Variants in ENTPD1 observed in about 807,000 individuals in gnomAD.
The protein encoded by ENTPD1 is ectonucleoside triphosphate diphosphohydrolase 1, also known as ATP diphosphohydrolase.
Under a neutral mutation model 57.0 loss-of-function variants are expected in ENTPD1, and 33 were observed. That is an observed-to-expected ratio of 0.58 (90% CI 0.44 to 0.77). The LOEUF (loss-of-function observed/expected upper bound fraction) is 0.77. Among genes scored for constraint, ENTPD1 ranks in the 30% least tolerant of loss-of-function variants. ENTPD1 has a pLI of 0.00. For synonymous variants in ENTPD1, 202 were observed against 218.8 expected, an observed-to-expected ratio of 0.92 and a Z score of 0.68; for missense variants, 501 against 603.4, an observed-to-expected ratio of 0.83 and a Z score of 1.78.
At chr10:95,714,719 T>G (rs920180167) in intron 1 of ENTPD1, among the ~76,000 whole-genome samples, 2 of 152,222 alleles carry the variant, frequency 1.3e-5, no homozygotes, top group Admixed American at 1.3e-4. Context: ...ATTACTTTAC[T>G]TCATGGAAGG....
chr10:95,710,974 A>C (rs1433244335), upstream of ENTPD1, among the ~76,000 whole-genome samples: 1 of 152,112 alleles, frequency 6.6e-6, no homozygotes, highest in Non-Finnish European at 1.5e-5. Flanking sequence ...GGTAGCCACA[A>C]ATGAAGGCCT....
intron 1 of ENTPD1, among the ~76,000 whole-genome samples, chr10:95,796,213 G>C (rs2098225240): frequency 6.6e-6 from 1 of 152,154 alleles, no homozygotes; most frequent in African/African-American, 2.4e-5. Context: ...GCTCTGGAGA[G>C]GCACTCCTTG....
At position 95,807,178 on chromosome 10, in the gene ENTPD1, C is replaced by G. The variant is rs531621831; in HGVS notation, c.17-16059C>G. On this transcript the variant is annotated intron_variant, in intron 1 of 9. Coordinates refer to ENST00000371205, the MANE Select transcript of ENTPD1 (RefSeq NM_001776.6). ...GGTGGGCTCTGCCCAGTTCGCACTT[C>G]CAGGCCACTTTGTTTACCTACTCAA... Among the ~76,000 whole-genome samples the G allele has an allele frequency of 3.0e-4, 45 of 152,336 alleles. No homozygotes were observed. The South Asian group carries it at 8.7e-3, about 29-fold the overall frequency.
At chr10:95,848,431 GGA>G (rs1238032398) in intron 7 of ENTPD1, among the ~76,000 whole-genome samples, 1 of 152,042 alleles carries the variant, frequency 6.6e-6, no homozygotes, top group African/African-American at 2.4e-5. Flanking sequence ...ACATGGATGT[GGA>G]AGTTTGATTA....
At chr10:95,777,102 C>T (rs1265485996) in intron 1 of ENTPD1, among the ~76,000 whole-genome samples, 2 of 152,138 alleles carry the variant, frequency 1.3e-5, no homozygotes, top group African/African-American at 4.8e-5. Flanking sequence ...AGGAATTTGT[C>T]ATTACCAACC....
At chr10:95,755,756 C>A (rs377084712), upstream of ENTPD1, 19 of 1,536,810 alleles carry the variant, frequency 1.2e-5, no homozygotes, top group East Asian at 2.4e-5. Flanking sequence ...GTTTTTCGAG[C>A]GGGTTTCAAG....
upstream of ENTPD1, chr10:95,755,774 C>A (rs1343459220): frequency 1.3e-6 from 2 of 1,534,776 alleles, no homozygotes; most frequent in African/African-American, 2.7e-5. Flanking sequence ...AAGGTAACAA[C>A]TTTCTTATTA....
chr10:95,721,295 C>T (rs2097977148), intron 1 of ENTPD1, among the ~76,000 whole-genome samples: 2 of 152,228 alleles, frequency 1.3e-5, no homozygotes, highest in African/African-American at 4.8e-5. Flanking sequence ...TCTCCATGTT[C>T]TGATTCTGCA....
At chr10:95,759,212 G>A (rs753640044) in intron 1 of ENTPD1, among the ~76,000 whole-genome samples, 2 of 152,212 alleles carry the variant, frequency 1.3e-5, no homozygotes, top group Non-Finnish European at 2.9e-5. Context: ...GTTCCCCACT[G>A]GTACATATAG....
At chr10:95,856,686 G>GTA (rs1047726217) in intron 7 of ENTPD1, among the ~76,000 whole-genome samples, 1 of 139,320 alleles carries the variant, frequency 7.2e-6, no homozygotes, top group African/African-American at 2.6e-5. Context: ...ACACATAAAT[G>GTA]TATATACACA....
chr10:95,702,711 C>T, the ENTPD1 span, among the ~76,000 whole-genome samples: 10 of 152,254 alleles, frequency 6.6e-5, no homozygotes, highest in South Asian at 2.1e-3. Flanking sequence ...ACTCAAATCC[C>T]AAACATTGAC....
chr10:95,740,937 G>A (rs1177272563), intron 1 of ENTPD1, among the ~76,000 whole-genome samples: 1 of 152,126 alleles, frequency 6.6e-6, no homozygotes, highest in Non-Finnish European at 1.5e-5. Flanking sequence ...GGAATGTTGT[G>A]GCTGGTTTGA....
At chr10:95,698,795 G>A in the ENTPD1 span, among the ~76,000 whole-genome samples, 1 of 152,110 alleles carries the variant, frequency 6.6e-6, no homozygotes, top group Non-Finnish European at 1.5e-5. Context: ...TAGGTATTCT[G>A]TTATAAGCAA....
chr10:95,806,851 A>G (rs1203761637), intron 1 of ENTPD1, among the ~76,000 whole-genome samples: 3 of 152,194 alleles, frequency 2.0e-5, no homozygotes, highest in Non-Finnish European at 2.9e-5. Flanking sequence ...CACAACAGCA[A>G]ATATTGCTGC....
At chr10:95,811,111 C>T (rs74153914) in intron 1 of ENTPD1, among the ~76,000 whole-genome samples, 2,666 of 152,280 alleles carry the variant, frequency 0.018, 82 homozygotes, top group African/African-American at 0.061. Context: ...TGGCATTTCT[C>T]GCTTACACAG....
intron 1 of ENTPD1, among the ~76,000 whole-genome samples, chr10:95,729,565 C>T (rs1285923642): frequency 1.3e-5 from 2 of 152,158 alleles, no homozygotes; most frequent in African/African-American, 4.8e-5. Context: ...GCGGGCAAAA[C>T]CTTTTCCTTC....
At chr10:95,823,728 C>T (rs1008054828) in intron 2 of ENTPD1, among the ~76,000 whole-genome samples, 6 of 152,172 alleles carry the variant, frequency 3.9e-5, no homozygotes, top group Non-Finnish European at 7.3e-5. Context: ...AATCACAATA[C>T]TGCACTCTGT....
In ENTPD1 at chr10:95,737,181, A is replaced by G. The variant is rs1193840323; in HGVS notation, c.37+25188A>G. Reference sequence around the variant, plus strand: ...CTGTGTACAGTCTACTATTCAGTGCAGGACAAAACAGAAATGGTTCCTGCC... The same window carrying G: ...CTGTGTACAGTCTACTATTCAGTGCGGGACAAAACAGAAATGGTTCCTGCC... On this transcript the variant is annotated intron_variant, in intron 1 of 9. Coordinates refer to the ENTPD1 transcript ENST00000453258. Among the ~76,000 whole-genome samples the G allele has an allele frequency of 2.0e-5, 3 of 152,198 alleles. No homozygotes were observed. In the East Asian group the frequency reaches 5.8e-4, roughly 29 times the overall value.
intron 4 of ENTPD1, 55 bp downstream of exon 4, chr10:95,842,549 GA>G: frequency 1.3e-6 from 2 of 1,588,030 alleles, no homozygotes; most frequent in Non-Finnish European, 1.7e-6. Flanking sequence ...GGCAGTGAAA[GA>G]GCCTCTGAAG....
Sources: allele counts gnomAD v4.1 joint callset (sites outside exome capture counted in the v4.1 genomes callset), GRCh38; gene constraint gnomAD v4.1.1; transcripts MANE v1.5; gene names NCBI Gene and HGNC (gene_info 2026-07-23, HGNC 2026-07-21).